The following PACRG variants were observed in gnomAD, a reference collection of about 807,000 sequenced individuals.
PACRG encodes parkin coregulated, also known as parkin coregulated gene protein.
PACRG carries 29 observed loss-of-function variants against 29.7 expected under a neutral mutation model. That is an observed-to-expected ratio of 0.98 (90% CI 0.73 to 1.33). The LOEUF (loss-of-function observed/expected upper bound fraction) is 1.33. Ranked by LOEUF, PACRG falls within the 40% of genes most tolerant of loss-of-function variation. PACRG has a pLI of 0.00. For synonymous variants in PACRG, 116 were observed against 118.7 expected, an observed-to-expected ratio of 0.98 and a Z score of 0.15; for missense variants, 279 against 316.2, an observed-to-expected ratio of 0.88 and a Z score of 0.89.
chr6:162,865,949 T>C (rs1792261461), intron 2 of PACRG, among the ~76,000 whole-genome samples: 1 of 152,336 alleles, frequency 6.6e-6, no homozygotes, highest in Non-Finnish European at 1.5e-5. Flanking sequence ...TTATGATTTA[T>C]TTAAAATGAT....
At chr6:162,820,002 C>T (rs147409606) in intron 2 of PACRG, among the ~76,000 whole-genome samples, 13 of 152,210 alleles carry the variant, frequency 8.5e-5, no homozygotes, top group African/African-American at 1.4e-4. Context: ...TGATATGCAA[C>T]GGTCTTGAGG....
At chr6:163,049,178 C>A (rs1809720286) in intron 2 of PACRG, among the ~76,000 whole-genome samples, 1 of 151,896 alleles carries the variant, frequency 6.6e-6, no homozygotes, top group Non-Finnish European at 1.5e-5. Context: ...ATAAGGAAGA[C>A]AGGCCAGTGA....
At chr6:162,867,059 C>T (rs961545864) in intron 2 of PACRG, among the ~76,000 whole-genome samples, 6 of 152,140 alleles carry the variant, frequency 3.9e-5, no homozygotes, top group African/African-American at 1.4e-4. Context: ...GGGTCCACAG[C>T]GGGAAAGACT....
intron 4 of PACRG, among the ~76,000 whole-genome samples, chr6:163,157,132 A>G (rs1413923880): frequency 1.3e-5 from 2 of 152,148 alleles, no homozygotes; most frequent in Non-Finnish European, 1.5e-5. Flanking sequence ...CCTACTGACA[A>G]TTACTAACTA....
intron 1 of PACRG, among the ~76,000 whole-genome samples, chr6:162,746,049 A>G (rs1262079795): frequency 1.3e-5 from 2 of 151,978 alleles, no homozygotes; most frequent in African/African-American, 4.8e-5. Context: ...GTAATACTAT[A>G]AAAAAATTAT....
chr6:162,742,625 C>T (rs1414895079), intron 1 of PACRG, among the ~76,000 whole-genome samples: 1 of 152,030 alleles, frequency 6.6e-6, no homozygotes, highest in Non-Finnish European at 1.5e-5. Flanking sequence ...TTCCCTCAAG[C>T]ACTTACTCTT....
chr6:162,778,054 C>T (rs1931223), intron 1 of PACRG, among the ~76,000 whole-genome samples: 96,572 of 151,996 alleles, frequency 0.64, 31,016 homozygotes, highest in South Asian at 0.82. Context: ...GTGTAAAATA[C>T]GCATTTGCAA....
At chr6:162,958,354 A>G (rs1306750168) in intron 2 of PACRG, among the ~76,000 whole-genome samples, 2 of 152,176 alleles carry the variant, frequency 1.3e-5, no homozygotes, top group African/African-American at 4.8e-5. Flanking sequence ...AGGATTTTTT[A>G]CAGCCTATCT....
intron 4 of PACRG, among the ~76,000 whole-genome samples, chr6:163,250,194 A>G (rs1250680343): frequency 6.6e-6 from 1 of 152,274 alleles, no homozygotes; most frequent in East Asian, 1.9e-4. Flanking sequence ...AACAGAGGTA[A>G]CAAAGCAACA....
chr6:163,211,163 C>CT (rs567645785), intron 4 of PACRG, among the ~76,000 whole-genome samples: 3 of 152,118 alleles, frequency 2.0e-5, no homozygotes, highest in South Asian at 2.1e-4. Context: ...TAAAGCTGAC[C>CT]TTTTTTTGAC....
chr6:163,090,039 A>G (rs1813952401), intron 4 of PACRG, among the ~76,000 whole-genome samples: 1 of 151,870 alleles, frequency 6.6e-6, no homozygotes, highest in Non-Finnish European at 1.5e-5. Flanking sequence ...TTTTGTTGTT[A>G]ATTTTGAAGT....
intron 2 of PACRG, among the ~76,000 whole-genome samples, chr6:162,952,716 G>A (rs1022844669): frequency 5.3e-5 from 8 of 152,148 alleles, no homozygotes; most frequent in Admixed American, 2.0e-4. Context: ...TCAGTTACAC[G>A]AAAGGGCCAT....
intron 4 of PACRG, among the ~76,000 whole-genome samples, chr6:163,255,522 G>C (rs1271395737): frequency 2.6e-5 from 4 of 152,228 alleles, no homozygotes; most frequent in African/African-American, 4.8e-5. Context: ...CAGGTTGTCA[G>C]GCACAGTCAG....
At chr6:163,311,244 A>G (rs1309573191) in intron 4 of PACRG, among the ~76,000 whole-genome samples, 1 of 152,184 alleles carries the variant, frequency 6.6e-6, no homozygotes, top group East Asian at 1.9e-4. Context: ...CAGAAGCACC[A>G]GGTCTGGCTT....
chr6:163,139,783 A>G (rs1817080817), intron 4 of PACRG, among the ~76,000 whole-genome samples: 2 of 152,162 alleles, frequency 1.3e-5, no homozygotes, highest in Admixed American at 1.3e-4. Flanking sequence ...AGAAATCCCT[A>G]TGTCCATCAT....
intron 4 of PACRG, among the ~76,000 whole-genome samples, chr6:163,188,830 G>A (rs912385424): frequency 1.3e-5 from 2 of 152,150 alleles, no homozygotes; most frequent in African/African-American, 4.8e-5. Context: ...TCAGTAGAGG[G>A]GAAAGGATTC....
chr6:163,025,801 CA>C (rs1316141076), intron 2 of PACRG, among the ~76,000 whole-genome samples: 2 of 152,218 alleles, frequency 1.3e-5, no homozygotes, highest in Non-Finnish European at 2.9e-5. Flanking sequence ...AGCTGGAAGC[CA>C]GGGGGCAGGC....
intron 4 of PACRG, among the ~76,000 whole-genome samples, chr6:163,196,919 CT>C (rs1443684362): frequency 7.9e-6 from 1 of 126,338 alleles, no homozygotes; most frequent in African/African-American, 3.5e-5. Context: ...GACAGACAGA[CT>C]AGACAGATAG....
At chr6:162,850,164 CAT>C (rs138065461) in intron 2 of PACRG, among the ~76,000 whole-genome samples, 2,465 of 152,236 alleles carry the variant, frequency 0.016, 58 homozygotes, top group African/African-American at 0.054. Flanking sequence ...CTGTCAATCT[CAT>C]GTGTGTAAGT....
Sources: allele counts gnomAD v4.1 joint callset (sites outside exome capture counted in the v4.1 genomes callset), GRCh38; gene constraint gnomAD v4.1.1; transcripts MANE v1.5; gene names NCBI Gene and HGNC (gene_info 2026-07-23, HGNC 2026-07-21).